The following COL25A1 variants were observed in gnomAD, a reference collection of about 807,000 sequenced individuals.
The protein encoded by COL25A1 is collagen alpha-1(XXV) chain.
In COL25A1, 103 loss-of-function variants were observed where a neutral mutation model predicts 128.4. The observed-to-expected ratio is 0.80, with a 90% confidence interval of 0.68 to 0.94. The LOEUF (loss-of-function observed/expected upper bound fraction) is 0.94, where lower values mean the gene tolerates loss of function less well. Among genes scored for constraint, COL25A1 ranks in the 40% least tolerant of loss-of-function variants. The probability of loss-of-function intolerance (pLI) is 0.00; values close to 1 mark genes in which losing one functional copy is unlikely to be tolerated. For missense variants in COL25A1, 745 were observed against 840.0 expected (o/e 0.89, Z 1.40); for synonymous variants, 279 against 277.2 (o/e 1.01, Z -0.06).
intron 15 of COL25A1, among the ~76,000 whole-genome samples, chr4:108,897,773 G>A (rs1172211127): frequency 6.6e-5 from 10 of 152,130 alleles, no homozygotes; most frequent in Admixed American, 3.9e-4. Flanking sequence ...TTCTTGGGAG[G>A]GGGGAGAAAG....
At chr4:108,899,108 G>C (rs368241373) in intron 15 of COL25A1, 46 bp downstream of exon 15, 1 of 1,587,206 alleles carries the variant, frequency 6.3e-7, no homozygotes. Flanking sequence ...TGGTATGCTG[G>C]TGGTGGGGAG....
intron 3 of COL25A1, among the ~76,000 whole-genome samples, chr4:109,197,600 C>T (rs1776229074): frequency 6.8e-6 from 1 of 146,350 alleles, no homozygotes; most frequent in Non-Finnish European, 1.5e-5. Flanking sequence ...AATTTGCATG[C>T]TCTCATTGGG....
At chr4:109,030,060 C>A (rs1164600163) in intron 5 of COL25A1, among the ~76,000 whole-genome samples, 4 of 152,196 alleles carry the variant, frequency 2.6e-5, no homozygotes, top group Admixed American at 6.5e-5. Context: ...AGTTCGGATC[C>A]TCTATCCTTT....
At chr4:108,862,451 C>T in intron 22 of COL25A1, 50 bp downstream of exon 22, 1 of 1,410,638 alleles carries the variant, frequency 7.1e-7, no homozygotes, top group Non-Finnish European at 1.0e-6. Context: ...GCAAAAAGCA[C>T]AGATCTTGAA....
At chr4:109,226,365 T>C (rs1778805695) in intron 3 of COL25A1, among the ~76,000 whole-genome samples, 1 of 152,164 alleles carries the variant, frequency 6.6e-6, no homozygotes, top group African/African-American at 2.4e-5. Flanking sequence ...GTACCCTATT[T>C]TTCTATTTTC....
At chr4:108,943,547 G>C (rs1748384124) in intron 8 of COL25A1, among the ~76,000 whole-genome samples, 1 of 152,122 alleles carries the variant, frequency 6.6e-6, no homozygotes, top group South Asian at 2.1e-4. Context: ...TTCATGTCAG[G>C]GGGATTTATG....
chr4:109,240,181 C>T (rs1779798440), intron 3 of COL25A1, among the ~76,000 whole-genome samples: 1 of 151,714 alleles, frequency 6.6e-6, no homozygotes, highest in Admixed American at 6.6e-5. Context: ...ATATATAAAC[C>T]AGTAACATAG....
At chr4:109,077,634 T>C (rs756428731) in intron 3 of COL25A1, among the ~76,000 whole-genome samples, 10 of 152,188 alleles carry the variant, frequency 6.6e-5, no homozygotes, top group African/African-American at 1.2e-4. Flanking sequence ...CCCAGAGCAA[T>C]GGGCAGCCAT....
At chr4:108,970,865 T>C (rs1751844670) in intron 8 of COL25A1, among the ~76,000 whole-genome samples, 1 of 144,316 alleles carries the variant, frequency 6.9e-6, no homozygotes, top group Non-Finnish European at 1.5e-5. Flanking sequence ...ATCCATGCTG[T>C]TGGCAAATGA....
intron 3 of COL25A1, among the ~76,000 whole-genome samples, chr4:109,095,996 T>C (rs1023777763): frequency 2.0e-5 from 3 of 152,014 alleles, no homozygotes; most frequent in African/African-American, 7.2e-5. Context: ...ACTAACTGAG[T>C]GAAGGGTTAG....
intron 13 of COL25A1, among the ~76,000 whole-genome samples, chr4:108,906,326 T>C (rs933656180): frequency 6.6e-6 from 1 of 152,066 alleles, no homozygotes; most frequent in African/African-American, 2.4e-5. Context: ...ACCTCCTATG[T>C]TTTTTCCTCG....
intron 3 of COL25A1, among the ~76,000 whole-genome samples, chr4:109,241,132 C>G (rs540111798): frequency 6.6e-6 from 1 of 152,052 alleles, no homozygotes; most frequent in South Asian, 2.1e-4. Flanking sequence ...AGAAAGGAAG[C>G]CTTTTCTGGG....
chr4:109,025,879 G>A (rs181028996), intron 5 of COL25A1, among the ~76,000 whole-genome samples: 24 of 152,062 alleles, frequency 1.6e-4, no homozygotes, highest in Admixed American at 9.2e-4. Flanking sequence ...GTTAAATAAC[G>A]TTTCCTTAGT....
chr4:109,168,465 T>G (rs534972373), intron 3 of COL25A1, among the ~76,000 whole-genome samples: 1 of 152,314 alleles, frequency 6.6e-6, no homozygotes, highest in East Asian at 1.9e-4. Context: ...GACTTACAAA[T>G]AGGAAAAGAT....
chr4:109,075,559 GATCTTC>G (rs1201353934), intron 3 of COL25A1, among the ~76,000 whole-genome samples: 1 of 152,002 alleles, frequency 6.6e-6, no homozygotes, highest in Non-Finnish European at 1.5e-5. Flanking sequence ...TAACCTATTA[GATCTTC>G]TCACAAAATT....
intron 3 of COL25A1, among the ~76,000 whole-genome samples, chr4:109,273,073 TG>T (rs1782311003): frequency 1.3e-5 from 2 of 151,626 alleles, no homozygotes; most frequent in South Asian, 2.1e-4. Flanking sequence ...GAAGGGAGGA[TG>T]GGAAAGGGGA....
intron 26 of COL25A1, 78 bp downstream of exon 26, chr4:108,852,158 T>C: frequency 8.8e-7 from 1 of 1,130,022 alleles, no homozygotes; most frequent in South Asian, 1.3e-5. Context: ...GTAAGACTGA[T>C]TTTCAAAGAT....
intron 3 of COL25A1, among the ~76,000 whole-genome samples, chr4:109,259,225 G>T (rs1364163381): frequency 6.6e-6 from 1 of 151,800 alleles, no homozygotes; most frequent in South Asian, 2.1e-4. Flanking sequence ...TCAATAGAGC[G>T]GTTGAAAAAA....
chr4:108,820,719 C>CAA lies in COL25A1; in HGVS notation c.1846-1392_1846-1391dup, dbSNP rs35629348. Among the ~76,000 whole-genome samples the CAA allele has an allele frequency of 2.6e-3, 359 of 135,804 alleles. 2 individuals are homozygous for CAA. The highest frequency in any genetic ancestry group is 7.5e-3 in the Middle Eastern group (2 of 268). 89.1% of individuals were successfully genotyped at this position (135,804 alleles called of 152,430 possible). ...AGCTTACTCACAATGTAACAAAAGC[C>CAA]AAAAAAAAAAAAAATCTGTTCAGGA... On this transcript the variant is annotated intron_variant, in intron 35 of 37. Transcript: ENST00000399132.
Sources: allele counts gnomAD v4.1 joint callset (sites outside exome capture counted in the v4.1 genomes callset), GRCh38; gene constraint gnomAD v4.1.1; transcripts MANE v1.5; gene names NCBI Gene and HGNC (gene_info 2026-07-23, HGNC 2026-07-21).